The following RBM12 variants were observed in gnomAD, a reference collection of about 807,000 sequenced individuals.
The protein encoded by RBM12 is RNA binding motif protein 12.
Under a neutral mutation model 37.2 loss-of-function variants are expected in RBM12, and 24 were observed. The ratio of observed to expected loss-of-function variants is 0.65; its 90% CI spans 0.47 to 0.91. The LOEUF is 0.91. Among genes scored for constraint, RBM12 ranks in the 40% least tolerant of loss-of-function variants. The pLI, the probability that RBM12 is intolerant of heterozygous loss-of-function variation, is 0.00. For missense variants in RBM12, 1,061 were observed against 1,183.2 expected, an observed-to-expected ratio of 0.90 and a Z score of 1.52; for synonymous variants, 420 against 425.2, an observed-to-expected ratio of 0.99 and a Z score of 0.15.
Position 35,652,874 on chromosome 20 carries a change from CAGGGGCACTTCCAAGACCAGG to C in RBM12, c.2428_2448del (p.Pro810_Pro816del). On this transcript the variant is annotated inframe_deletion, in exon 3 of 3. Coordinates refer to ENST00000374114, the MANE Select transcript of RBM12 (RefSeq NM_006047.6). ...AAAGCTGGTGGCCCACCCAAATGCC[CAGGGGCACTTCCAAGACCAGG>C]AGGGCCACTTCCAAACCCCGGGGGA... 6.2e-7 allele frequency: 1 copy of C among 1,613,136 alleles called. No homozygotes were observed.
In RBM12 at chr20:35,649,038, G is replaced by C. The variant is rs2033319804; in HGVS notation, c.*3486C>G. ...ACCTCTGCTGAGTGATGCCAAGGCAGTATTTGCTGGCAATGTTGTGGCCAT... is the reference window on the plus strand; with the variant it reads ...ACCTCTGCTGAGTGATGCCAAGGCACTATTTGCTGGCAATGTTGTGGCCAT... On this transcript the variant is annotated 3_prime_UTR_variant, in exon 3 of 3. Coordinates refer to ENST00000374114, the MANE Select transcript of RBM12 (RefSeq NM_006047.6). 6.6e-6 allele frequency: 1 copy of C among 152,642 alleles called. No individual in the cohort carries two copies. Among genetic ancestry groups the C allele is most frequent in the African/African-American group, 2.4e-5 (1 of 41,458 alleles). The allele number at this position is 152,642 out of a possible 1,614,324, so 9.5% of individuals were successfully genotyped here. A position where few individuals can be genotyped will look rare whatever the true frequency, so the allele number is the denominator to read the frequency against.
rs762669025 is a variant in RBM12, at chr20:35,655,028, G to A, written c.295C>T (p.Pro99Ser). Residue 99 changes from proline to serine, a missense_variant, in exon 3 of 3, where the codon CCA becomes TCA. By Grantham distance (74) the Pro-to-Ser change is moderately conservative (BLOSUM62 -1). Around this residue, in one of 3 missense-constraint regions of RBM12, gnomAD observed 540 missense variants for 632.7 expected, o/e 0.85. Transcript: ENST00000374114. The stretch of plus-strand genomic sequence containing the variant: ...GGTCCTGATCTACTGGCATTTGCTG[G>A]TGGTATATCTAAGTTGGCAGTTTCA... ...RFETANLDIP[P>S]ANASRSGPPP... 2.5e-6 allele frequency: 4 copies of A among 1,614,152 alleles called. No individual in the cohort carries two copies. Among genetic ancestry groups the A allele is most frequent in the Admixed American group, 1.7e-5 (1 of 60,024 alleles).
At position 35,649,246 on chromosome 20, in the gene RBM12, T is replaced by G. The variant is rs1907912239; in HGVS notation, c.*3278A>C. On this transcript the variant is annotated 3_prime_UTR_variant, in exon 3 of 3. Coordinates refer to ENST00000374114, the MANE Select transcript of RBM12 (RefSeq NM_006047.6). ...CAATTTTACATTTTCTTTACTCATT[T>G]CCCGAGTGTTCTTAAAATTGATGAG... 1 of 152,238 alleles carries G rather than the reference T, an allele frequency of 6.6e-6. No individual in the cohort carries two copies. The highest frequency in any genetic ancestry group is 1.5e-5 in the Non-Finnish European group (1 of 68,044). The allele number at this position is 152,238 out of a possible 1,614,324, so 9.4% of individuals were successfully genotyped here.
At position 35,654,938 on chromosome 20, in the gene RBM12, G is replaced by T. The variant is rs191944725; in HGVS notation, c.385C>A (p.Pro129Thr). The change falls in exon 3 of 3, where the codon CCA (proline) becomes ACA (threonine). Residue 129 changes from proline (P) to threonine (T), a missense_variant. Around this residue, in one of 3 missense-constraint regions of RBM12, gnomAD observed 540 missense variants for 632.7 expected, o/e 0.85. Transcript: ENST00000374114. ...GTGGCAGTAACTACACTGGGTGATG[G>T]ATTATTAAAGTTGGATACTGTTGTG... The part of the protein sequence containing the change: ...LPTTVSNFNN[P>T]SPSVVTATTS... 4.3e-6 allele frequency: 7 copies of T among 1,614,014 alleles called. No homozygotes were observed. Among genetic ancestry groups the T allele is most frequent in the Admixed American group, 1.7e-5 (1 of 59,996 alleles).
chr20:35,653,120 G>C lies in RBM12; in HGVS notation c.2203C>G (p.Pro735Ala). The C allele has an allele frequency of 6.2e-7, 1 of 1,613,714 alleles. No individual in the cohort carries two copies. The highest frequency in any genetic ancestry group is 8.5e-7 in the Non-Finnish European group (1 of 1,180,020). Residue 735 changes from proline to alanine, a missense_variant, in exon 3 of 3, where the codon CCA (proline) becomes GCA (alanine). Pro to Ala is a conservative substitution (Grantham distance 27). Transcript: ENST00000374114. ...CCTAATCCTGGAGGAGGGATTGGTG[G>C]CCCAAAGGCATTTGATCCACCAAAA... Reference protein sequence around the residue: ...GNFGGSNAFGPPIPPPGLGGG... With the variant: ...GNFGGSNAFGAPIPPPGLGGG...
In RBM12 at chr20:35,650,124, T is replaced by C. The variant is rs1296645694; in HGVS notation, c.*2400A>G. On this transcript the variant is annotated 3_prime_UTR_variant, in exon 3 of 3. Coordinates refer to ENST00000374114, the MANE Select transcript of RBM12 (RefSeq NM_006047.6). ...CTTAGCAGTTAGCACTGTTAATAAA[T>C]CTCAGATACACAAAAATCAAGTTCC... 6.6e-6 allele frequency: 1 copy of C among 152,580 alleles called. No homozygotes were observed. The highest frequency in any genetic ancestry group is 1.5e-5 in the Non-Finnish European group (1 of 68,008). 9.5% of individuals were successfully genotyped at this position (152,580 alleles called of 1,614,324 possible). A position where few individuals can be genotyped will look rare whatever the true frequency, so the allele number is the denominator to read the frequency against.
chr20:35,661,573 C>T (rs541735364), intron 1 of RBM12, among the ~76,000 whole-genome samples: 2 of 152,266 alleles, frequency 1.3e-5, no homozygotes, highest in South Asian at 4.2e-4. Context: ...TTCATATTAT[C>T]AGGAATTAGT....
rs2033803051 is a variant in RBM12 at position 35,654,894 on chromosome 20, G to A, written c.429C>T (p.Ser143=). 6.2e-7 allele frequency: 1 copy of A among 1,614,028 alleles called. No individual in the cohort carries two copies. Among genetic ancestry groups the A allele is most frequent in the Non-Finnish European group, 8.5e-7 (1 of 1,179,926 alleles). ...TGGAAAATGTCTGTATGTTTTTGTT[G>A]CTTTCATGAACAGAAGTGGTGGCAG... ...VVTATTSVHE[S]NKNIQTFSTA... is the part of the protein sequence containing the mutation. Residue 143 remains serine (S), a synonymous_variant, in exon 3 of 3, where the codon AGC becomes AGT. Coordinates refer to ENST00000374114, the MANE Select transcript of RBM12 (RefSeq NM_006047.6).
In RBM12 at chr20:35,649,214, C is replaced by G. The variant is rs949468945; in HGVS notation, c.*3310G>C. On this transcript the variant is annotated 3_prime_UTR_variant, in exon 3 of 3. Transcript: ENST00000374114. ...CAGAAATTCTTTCCAAAAGATTTGA[C>G]TAGCAGCAATTTTACATTTTCTTTA... is the stretch of plus-strand genomic sequence containing the variant. The G allele has an allele frequency of 6.6e-6, 1 of 152,192 alleles. No individual in the cohort carries two copies. The highest frequency in any genetic ancestry group is 2.4e-5 in the African/African-American group (1 of 41,452). 9.4% of individuals were successfully genotyped at this position (152,192 alleles called of 1,614,324 possible). A position where few individuals can be genotyped will look rare whatever the true frequency, so the allele number is the denominator to read the frequency against.
At chr20:35,659,137 T>TAA in intron 1 of RBM12, 123 bp from the exon 2 acceptor site, 6 of 256,608 alleles carry the variant, frequency 2.3e-5, no homozygotes, top group Non-Finnish European at 3.3e-5. Context: ...AGAATGCATA[T>TAA]CAAAAAAAAA....
At chr20:35,662,788 A>G (rs920804152) in intron 1 of RBM12, among the ~76,000 whole-genome samples, 3 of 152,182 alleles carry the variant, frequency 2.0e-5, no homozygotes, top group Non-Finnish European at 4.4e-5. Flanking sequence ...CTCAATACTC[A>G]ATCATCAAAA....
At position 35,654,193 on chromosome 20, in the gene RBM12, G is replaced by A; in HGVS notation, c.1130C>T (p.Ala377Val). The change falls in exon 3 of 3, where the codon GCC becomes GTC. Residue 377 changes from alanine to valine, a missense_variant. By Grantham distance (64) the Ala-to-Val change is moderately conservative. Coordinates refer to ENST00000374114, the MANE Select transcript of RBM12 (RefSeq NM_006047.6). ...MIQRYVEVSP[A>V]TERQWVAAGG... ...AGCAGCTACCCACTGTCTTTCTGTGGCAGGGCTAACTTCCACATAGCGTTG... is the reference window on the plus strand; with the variant it reads ...AGCAGCTACCCACTGTCTTTCTGTGACAGGGCTAACTTCCACATAGCGTTG... 1 of 1,614,208 alleles carries A rather than the reference G, an allele frequency of 6.2e-7. No homozygotes were observed. Among genetic ancestry groups the A allele is most frequent in the Non-Finnish European group, 8.5e-7 (1 of 1,180,040 alleles).
In RBM12 at chr20:35,658,989, G is replaced by C. The variant is rs1438074700; in HGVS notation, c.-82C>G. On this transcript the variant is annotated 5_prime_UTR_variant, in exon 2 of 3. Transcript: ENST00000374114. ...AGTAGAGGCCAAGTCAATCCTGTGG[G>C]CAACCAATTAAAACCAACTTTTAGA... 1 of 716,994 alleles carries C rather than the reference G, an allele frequency of 1.4e-6. No individual in the cohort carries two copies. The allele number at this position is 716,994 out of a possible 1,614,324, so 44.4% of individuals were successfully genotyped here. A position where few individuals can be genotyped will look rare whatever the true frequency, so the allele number is the denominator to read the frequency against.
At chr20:35,656,241 TG>T (rs931157820) in intron 2 of RBM12, among the ~76,000 whole-genome samples, 1 of 152,262 alleles carries the variant, frequency 6.6e-6, no homozygotes, top group African/African-American at 2.4e-5. Flanking sequence ...TTTTTGTTTT[TG>T]TTTTAGAACC....
Position 35,654,112 on chromosome 20 carries a change from G to T in RBM12, c.1211C>A (p.Pro404His), listed in dbSNP as rs1434816327. The stretch of plus-strand genomic sequence containing the variant: ...TTTTGACCTGGGAAGTGTCTGAGGA[G>T]GGGGATGAGTTTGTCCAGAAGGTCC... ...NMGPSGQTHPPPQTLPRSKSP... is the reference protein window; with the variant it reads ...NMGPSGQTHPHPQTLPRSKSP... Residue 404 changes from proline to histidine, a missense_variant, in exon 3 of 3, where the codon CCT becomes CAT. Physicochemically the swap from Pro to His is moderately conservative, Grantham distance 77. Around this residue, in one of 3 missense-constraint regions of RBM12, gnomAD observed 540 missense variants for 632.7 expected, o/e 0.85. Coordinates refer to ENST00000374114, the MANE Select transcript of RBM12 (RefSeq NM_006047.6). 3.1e-6 allele frequency: 5 copies of T among 1,614,210 alleles called. No individual in the cohort carries two copies. Among genetic ancestry groups the T allele is most frequent in the Non-Finnish European group, 3.4e-6 (4 of 1,180,022 alleles).
chr20:35,653,200 A>G lies in RBM12; in HGVS notation c.2123T>C (p.Leu708Pro). 6.2e-7 allele frequency: 1 copy of G among 1,613,532 alleles called. No homozygotes were observed. Residue 708 changes from leucine (L) to proline (P), a missense_variant, in exon 3 of 3, where the codon CTG (leucine) becomes CCG (proline). Physicochemically the swap from Leu to Pro is moderately conservative, Grantham distance 98. This residue lies in a region of RBM12 where 517 missense variants were observed against 534.0 expected (regional missense o/e 0.97). Coordinates refer to ENST00000374114, the MANE Select transcript of RBM12 (RefSeq NM_006047.6). ...PSAGGEEHAF[L>P]TVGSKEANNG... is the part of the protein sequence containing the mutation. Reference sequence around the variant, plus strand: ...ATTGGCTTCCTTTGATCCTACAGTCAGGAAGGCATGCTCTTCACCTCCTGC... The same window carrying G: ...ATTGGCTTCCTTTGATCCTACAGTCGGGAAGGCATGCTCTTCACCTCCTGC...
chr20:35,653,000 C>T lies in RBM12; in HGVS notation c.2323G>A (p.Gly775Arg). 6.2e-7 allele frequency: 1 copy of T among 1,613,800 alleles called. No individual in the cohort carries two copies. The highest frequency in any genetic ancestry group is 8.5e-7 in the Non-Finnish European group (1 of 1,180,028). The change falls in exon 3 of 3, where the codon GGA becomes AGA. Residue 775 changes from glycine (G) to arginine (R), a missense_variant. By Grantham distance (125) the Gly-to-Arg change is moderately radical. Coordinates refer to ENST00000374114, the MANE Select transcript of RBM12 (RefSeq NM_006047.6). ...GATGGCCCACTTAAATTGTTTGGTC[C>T]ACCTCCAAAACCCGGAACATCCAGT... The part of the protein sequence containing the change: ...LGLDVPGFGG[G>R]PNNLSGPSGF...
chr20:35,658,696 G>A (rs942792454), intron 2 of RBM12, among the ~76,000 whole-genome samples: 1 of 151,882 alleles, frequency 6.6e-6, no homozygotes, highest in Non-Finnish European at 1.5e-5. Flanking sequence ...GGAGGCGGAG[G>A]TTGCAGTGAG....
Position 35,652,915 on chromosome 20 carries a change from G to A in RBM12, c.2408C>T (p.Pro803Leu), listed in dbSNP as rs780233227. 6.8e-6 allele frequency: 11 copies of A among 1,613,586 alleles called. No homozygotes were observed. The highest frequency in any genetic ancestry group is 2.7e-5 in the African/African-American group (2 of 74,934). Residue 803 changes from proline to leucine, a missense_variant, in exon 3 of 3, where the codon CCG becomes CTG. Around this residue, in one of 3 missense-constraint regions of RBM12, gnomAD observed 517 missense variants for 534.0 expected, o/e 0.97. Transcript: ENST00000374114. Reference sequence around the variant, plus strand: ...ACCAGGAGGGCCACTTCCAAACCCCGGGGGACCGCCTAAGCTACCAGGGCC... The same window carrying A: ...ACCAGGAGGGCCACTTCCAAACCCCAGGGGACCGCCTAAGCTACCAGGGCC... Reference protein sequence around the residue: ...GNGPGSLGGPPGFGSGPPGLG... With the variant: ...GNGPGSLGGPLGFGSGPPGLG...
Sources: allele counts gnomAD v4.1 joint callset (sites outside exome capture counted in the v4.1 genomes callset), GRCh38; gene constraint gnomAD v4.1.1; regional missense constraint gnomAD v4.1.1; transcripts MANE v1.5; gene names NCBI Gene and HGNC (gene_info 2026-07-23, HGNC 2026-07-21).